SRBD1: variants seen among roughly 807,000 people sequenced by gnomAD.
SRBD1 encodes the protein S1 RNA-binding domain-containing protein 1.
In SRBD1, 88 loss-of-function variants were observed where a neutral mutation model predicts 115.3. That is an observed-to-expected ratio of 0.76 (90% CI 0.64 to 0.91). The LOEUF (loss-of-function observed/expected upper bound fraction) is 0.91, where lower values mean the gene tolerates loss of function less well. SRBD1 is among the 40% of genes least tolerant of loss of function. SRBD1 has a pLI of 0.00. For missense variants in SRBD1, 1,385 were observed against 1,177.4 expected (o/e 1.18, Z -2.58); for synonymous variants, 509 against 407.7 (o/e 1.25, Z -2.99).
chr2:45,598,584 G>A (rs1384666097), intron 4 of SRBD1, among the ~76,000 whole-genome samples: 6 of 149,888 alleles, frequency 4.0e-5, no homozygotes, highest in African/African-American at 1.2e-4. Flanking sequence ...TAGCCTGGGC[G>A]ACAGAGCAAG....
Position 45,579,963 on chromosome 2 carries a change from T to G in SRBD1, c.984A>C (p.Arg328Ser). 1.9e-6 allele frequency: 3 copies of G among 1,607,026 alleles called. No individual in the cohort carries two copies. The highest frequency in any genetic ancestry group is 2.5e-6 in the Non-Finnish European group (3 of 1,176,780). ...GSKGTKAQRARQLGLEGAARA... is the reference protein window; with the variant it reads ...GSKGTKAQRASQLGLEGAARA... ...TGGCTGCTCCTTCTAAGCCCAACTG[T>G]CTTGCTCTCTGGGCTTTAGTCCCTT... Residue 328 changes from arginine to serine, a missense_variant, in exon 7 of 21, where the codon AGA becomes AGC. Arg to Ser is a moderately radical substitution (Grantham distance 110). Coordinates refer to ENST00000263736, the MANE Select transcript of SRBD1 (RefSeq NM_018079.5).
At chr2:45,486,291 C>A (rs1410726495) in intron 15 of SRBD1, among the ~76,000 whole-genome samples, 1 of 152,150 alleles carries the variant, frequency 6.6e-6, no homozygotes, top group Non-Finnish European at 1.5e-5. Flanking sequence ...TTGGGAGATA[C>A]CTTCTCAATA....
chr2:45,411,290 G>T (rs1262598025), intron 19 of SRBD1, among the ~76,000 whole-genome samples: 1 of 152,174 alleles, frequency 6.6e-6, no homozygotes, highest in Non-Finnish European at 1.5e-5. Context: ...TGTACTGAGA[G>T]TAGACAGTAT....
chr2:45,454,939 A>C (rs768401920), intron 16 of SRBD1, among the ~76,000 whole-genome samples: 1 of 151,790 alleles, frequency 6.6e-6, no homozygotes, highest in Non-Finnish European at 1.5e-5. Flanking sequence ...TTGAATCCAT[A>C]ATTTTTATAT....
chr2:45,438,716 T>A (rs1264640210), intron 16 of SRBD1, among the ~76,000 whole-genome samples: 3 of 151,992 alleles, frequency 2.0e-5, no homozygotes, highest in African/African-American at 4.8e-5. Context: ...ATGGGGGGTA[T>A]AAAAGAACCT....
At position 45,605,355 on chromosome 2, in the gene SRBD1, T is replaced by C; in HGVS notation, c.80+7A>G. 1 of 1,611,390 alleles carries C rather than the reference T, an allele frequency of 6.2e-7. No individual in the cohort carries two copies. The highest frequency in any genetic ancestry group is 8.5e-7 in the Non-Finnish European group (1 of 1,178,610). ...CCCCTACCCACATATTAAACCAGTA[T>C]GCTTACAACTCAGAGAATGAAGAAA... On this transcript the variant is annotated splice_region_variant and intron_variant, in intron 2 of 20. Transcript: ENST00000263736.
At chr2:45,594,083 C>G (rs1673812814) in intron 4 of SRBD1, among the ~76,000 whole-genome samples, 1 of 152,016 alleles carries the variant, frequency 6.6e-6, no homozygotes, top group African/African-American at 2.4e-5. Context: ...CAAAAAGTAC[C>G]AATTTCTCTT....
At chr2:45,418,645 C>T (rs568724726) in intron 17 of SRBD1, 104 bp from the exon 18 acceptor site, 74 of 929,188 alleles carry the variant, frequency 8.0e-5, no homozygotes, top group Middle Eastern at 8.7e-4. Flanking sequence ...TATCCTCATA[C>T]GGCTAAGTTA....
chr2:45,579,668 G>A (rs1673284136), intron 7 of SRBD1, among the ~76,000 whole-genome samples: 1 of 151,684 alleles, frequency 6.6e-6, no homozygotes, highest in Admixed American at 6.6e-5. Context: ...AGAAAAACGG[G>A]CAAAAGACTA....
chr2:45,402,939 T>C (rs1161448289), intron 19 of SRBD1, among the ~76,000 whole-genome samples: 2 of 152,144 alleles, frequency 1.3e-5, no homozygotes, highest in Non-Finnish European at 2.9e-5. Context: ...GTGGGGAGAA[T>C]AACCCCTAAA....
chr2:45,434,815 C>A (rs1048179713), intron 16 of SRBD1, among the ~76,000 whole-genome samples: 7 of 151,356 alleles, frequency 4.6e-5, no homozygotes, highest in Admixed American at 1.3e-4. Context: ...CACATGTGCA[C>A]AATGTGCAGG....
At chr2:45,404,864 T>G (rs1161487503) in intron 19 of SRBD1, among the ~76,000 whole-genome samples, 1 of 152,150 alleles carries the variant, frequency 6.6e-6, no homozygotes, top group Non-Finnish European at 1.5e-5. Context: ...CCACACTGGC[T>G]GCCTTGTTAT....
chr2:45,469,028 GT>G, intron 16 of SRBD1, among the ~76,000 whole-genome samples: 1 of 152,184 alleles, frequency 6.6e-6, no homozygotes, highest in African/African-American at 2.4e-5. Flanking sequence ...TGAACTGCCT[GT>G]TCATAGCCTT....
intron 14 of SRBD1, among the ~76,000 whole-genome samples, chr2:45,489,102 T>C (rs78052409): frequency 0.02 from 3,009 of 152,300 alleles, 33 homozygotes; most frequent in Non-Finnish European, 0.028. Flanking sequence ...TGTATGGGGA[T>C]TGCCATTTTG....
intron 1 of SRBD1, among the ~76,000 whole-genome samples, chr2:45,605,775 G>A (rs1325641858): frequency 6.6e-6 from 1 of 151,906 alleles, no homozygotes; most frequent in Non-Finnish European, 1.5e-5. Context: ...GTGGTCGTGG[G>A]CACCTGAAAT....
At chr2:45,430,396 C>CT (rs1668295969) in intron 16 of SRBD1, among the ~76,000 whole-genome samples, 2 of 152,158 alleles carry the variant, frequency 1.3e-5, no homozygotes, top group South Asian at 4.1e-4. Flanking sequence ...TCAAACTATA[C>CT]TACAAGACTA....
At position 45,605,500 on chromosome 2, in the gene SRBD1, C is replaced by G. The variant is rs368387404; in HGVS notation, c.1-59G>C. The G allele has an allele frequency of 2.6e-4, 381 of 1,485,934 alleles. 3 individuals are homozygous for G. The African/African-American group carries it at 4.9e-3, about 19-fold the overall frequency. 92.0% of individuals were successfully genotyped at this position (1,485,934 alleles called of 1,614,324 possible). ...TGAATATTCTTATCACTTTATTTGG[C>G]TACAAGTAATGGGTCATTCAAAACT... On this transcript the variant is annotated intron_variant, in intron 1 of 20. Coordinates refer to ENST00000263736, the MANE Select transcript of SRBD1 (RefSeq NM_018079.5).
At position 45,579,990 on chromosome 2, in the gene SRBD1, G is replaced by C. The variant is rs1162347110; in HGVS notation, c.957C>G (p.Ser319Arg). The change falls in exon 7 of 21, where the codon AGC becomes AGG. Residue 319 changes from serine to arginine, a missense_variant. Physicochemically the swap from Ser to Arg is moderately radical, Grantham distance 110. Coordinates refer to ENST00000263736, the MANE Select transcript of SRBD1 (RefSeq NM_018079.5). ...TTGCTCTCTGGGCTTTAGTCCCTTTGCTTCCAGTTTTATATGGAGCAGACT... is the reference window on the plus strand; with the variant it reads ...TTGCTCTCTGGGCTTTAGTCCCTTTCCTTCCAGTTTTATATGGAGCAGACT... ...EHVSAPYKTG[S>R]KGTKAQRARQ... 6.3e-7 allele frequency: 1 copy of C among 1,587,474 alleles called. No individual in the cohort carries two copies. Among genetic ancestry groups the C allele is most frequent in the East Asian group, 2.3e-5 (1 of 44,296 alleles).
intron 15 of SRBD1, among the ~76,000 whole-genome samples, chr2:45,483,864 T>C (rs1221324651): frequency 6.6e-6 from 1 of 152,030 alleles, no homozygotes; most frequent in Non-Finnish European, 1.5e-5. Flanking sequence ...AAGTAATAAT[T>C]ACATTTTTGA....
Sources: allele counts gnomAD v4.1 joint callset (sites outside exome capture counted in the v4.1 genomes callset), GRCh38; gene constraint gnomAD v4.1.1; transcripts MANE v1.5; gene names NCBI Gene and HGNC (gene_info 2026-07-23, HGNC 2026-07-21).